The following THSD4 variants were observed in gnomAD, a reference collection of about 807,000 sequenced individuals.
THSD4 encodes the protein thrombospondin type 1 domain containing 4.
Under a neutral mutation model 119.0 loss-of-function variants are expected in THSD4, and 69 were observed. The ratio of observed to expected loss-of-function variants is 0.58; its 90% CI spans 0.48 to 0.71. The LOEUF is 0.71. Ranked by LOEUF, THSD4 falls within the 30% of genes least tolerant of loss-of-function variation. The pLI is 0.00. For missense variants in THSD4, 1,393 were observed against 1,391.1 expected (o/e 1.00, Z -0.02); for synonymous variants, 524 against 540.4 (o/e 0.97, Z 0.42).
At chr15:71,367,741 CAT>C (rs2045984595) in intron 6 of THSD4, among the ~76,000 whole-genome samples, 1 of 152,192 alleles carries the variant, frequency 6.6e-6, no homozygotes, top group South Asian at 2.1e-4. Context: ...CTGCAATAAA[CAT>C]ATGTGGGCAT....
At chr15:71,446,314 A>G (rs1350026614) in intron 7 of THSD4, among the ~76,000 whole-genome samples, 1 of 152,198 alleles carries the variant, frequency 6.6e-6, no homozygotes, top group East Asian at 1.9e-4. Flanking sequence ...TTTATTTAGC[A>G]TTGCCCTTTC....
chr15:71,119,906 A>G (rs1277009399), intron 1 of THSD4, among the ~76,000 whole-genome samples: 1 of 152,174 alleles, frequency 6.6e-6, no homozygotes, highest in Non-Finnish European at 1.5e-5. Context: ...GAGGATGGCC[A>G]AAGTCTGGAG....
chr15:71,387,233 T>A (rs565031388), intron 6 of THSD4, among the ~76,000 whole-genome samples: 1 of 151,952 alleles, frequency 6.6e-6, no homozygotes, highest in Non-Finnish European at 1.5e-5. Flanking sequence ...TGAGAGACTA[T>A]AGAAAGGGAT....
At chr15:71,151,592 A>G (rs568840005) in intron 2 of THSD4, among the ~76,000 whole-genome samples, 2 of 152,178 alleles carry the variant, frequency 1.3e-5, no homozygotes, top group East Asian at 1.9e-4. Context: ...AGGTCATGCA[A>G]CCATGGAGCA....
chr15:71,172,431 A>T (rs1400570826), intron 3 of THSD4, among the ~76,000 whole-genome samples: 5 of 151,938 alleles, frequency 3.3e-5, no homozygotes, highest in African/African-American at 1.2e-4. Context: ...TGACCTATAG[A>T]TTTAACACAA....
In THSD4 at chr15:71,154,900, G is replaced by A. The variant is rs374434657; in HGVS notation, c.67G>A (p.Val23Ile). The A allele has an allele frequency of 6.2e-6, 10 of 1,613,954 alleles. No homozygotes were observed. In the East Asian group the frequency reaches 1.1e-4, roughly 18 times the overall value. ...CFLLLLGFQFVCPQPSTQHRK... is the reference protein window; with the variant it reads ...CFLLLLGFQFICPQPSTQHRK... ...CCTTCTGCTGCTTGGATTCCAGTTC[G>A]TCTGCCCACAGCCCTCCACTCAACA... The change falls in exon 3 of 18, where the codon GTC (valine) becomes ATC (isoleucine). Residue 23 changes from valine to isoleucine, a missense_variant. By Grantham distance (29) the Val-to-Ile change is conservative. Coordinates refer to ENST00000261862, the MANE Select transcript of THSD4 (RefSeq NM_024817.3).
chr15:71,102,879 TC>T (rs2040258849), intron 1 of THSD4, among the ~76,000 whole-genome samples: 1 of 152,186 alleles, frequency 6.6e-6, no homozygotes, highest in African/African-American at 2.4e-5. Flanking sequence ...TTTTATATCT[TC>T]TTTTTTCCCC....
intron 6 of THSD4, among the ~76,000 whole-genome samples, chr15:71,270,819 G>GGGGTCAGTGAGTA (rs2044519535): frequency 6.6e-6 from 1 of 150,764 alleles, no homozygotes; most frequent in Non-Finnish European, 1.5e-5. Context: ...GAGTGGTCAG[G>GGGGTCAGTGAGTA]TAGCCATCTC....
intron 1 of THSD4, among the ~76,000 whole-genome samples, chr15:71,107,135 A>T (rs2040277219): frequency 6.6e-6 from 1 of 152,204 alleles, no homozygotes; most frequent in Non-Finnish European, 1.5e-5. Flanking sequence ...GTTTAACTCT[A>T]AAACCAATGT....
In THSD4 at chr15:71,463,117, A is replaced by G. The variant is rs193109481; in HGVS notation, c.1152+51294A>G. 1.3e-3 allele frequency among the ~76,000 whole-genome samples: 204 copies of G among 152,322 alleles called. 6 individuals carry two copies. In the East Asian group the frequency reaches 0.03, roughly 22 times the overall value. ...CATGTCGTTGGTTTTTTGAACCTAAATGAAAGACTTCACATTCACCTCCAT... is the reference window on the plus strand; with the variant it reads ...CATGTCGTTGGTTTTTTGAACCTAAGTGAAAGACTTCACATTCACCTCCAT... On this transcript the variant is annotated intron_variant, in intron 7 of 17. Transcript: ENST00000261862.
At chr15:71,491,115 C>T (rs1222992079) in intron 7 of THSD4, among the ~76,000 whole-genome samples, 1 of 152,212 alleles carries the variant, frequency 6.6e-6, no homozygotes, top group Non-Finnish European at 1.5e-5. Flanking sequence ...CTTTATGGCA[C>T]TTGTCAAGTT....
At chr15:71,348,219 C>A (rs2045693655) in intron 6 of THSD4, 1 of 152,180 alleles carries the variant, frequency 6.6e-6, no homozygotes, top group African/African-American at 2.4e-5. Context: ...TTTTGTAGAG[C>A]CTCCTCCTCC....
At chr15:71,640,465 G>A (rs916297774) in intron 7 of THSD4, among the ~76,000 whole-genome samples, 1 of 152,052 alleles carries the variant, frequency 6.6e-6, no homozygotes, top group African/African-American at 2.4e-5. Flanking sequence ...GAGAGCCAGG[G>A]GGTTGCCAGG....
chr15:71,404,898 T>C (rs1566971270), intron 6 of THSD4, among the ~76,000 whole-genome samples: 1 of 77,154 alleles, frequency 1.3e-5, no homozygotes, highest in African/African-American at 3.2e-5. Flanking sequence ...TTTTCTTTGC[T>C]TTTCTTTTTT....
chr15:71,457,298 T>C (rs1309638270), intron 7 of THSD4, among the ~76,000 whole-genome samples: 3 of 149,522 alleles, frequency 2.0e-5, no homozygotes, highest in African/African-American at 7.4e-5. Flanking sequence ...GAAAATTGCT[T>C]GAGCCCAGGA....
At position 71,771,121 on chromosome 15, in the gene THSD4, G is replaced by A; in HGVS notation, c.2827G>A (p.Asp943Asn). 1 of 1,614,190 alleles carries A rather than the reference G, an allele frequency of 6.2e-7. No homozygotes were observed. The highest frequency in any genetic ancestry group is 8.5e-7 in the Non-Finnish European group (1 of 1,180,032). The change falls in exon 17 of 18, where the codon GAC becomes AAC. Residue 943 changes from aspartate to asparagine, a missense_variant. Asp to Asn is a conservative substitution (Grantham distance 23). Transcript: ENST00000261862. Reference sequence around the variant, plus strand: ...CCGGGAAGTGCGGTGTCTGTCTGATGACATGACTCTAAGTAACCTCTGTGA... The same window carrying A: ...CCGGGAAGTGCGGTGTCTGTCTGATAACATGACTCTAAGTAACCTCTGTGA... ...RVREVRCLSDDMTLSNLCDPQ... is the reference protein window; with the variant it reads ...RVREVRCLSDNMTLSNLCDPQ...
chr15:71,755,984 A>T (rs978181279), intron 14 of THSD4, among the ~76,000 whole-genome samples: 2 of 152,214 alleles, frequency 1.3e-5, no homozygotes, highest in Non-Finnish European at 2.9e-5. Flanking sequence ...AATAATAGCC[A>T]CTCTGAGTCT....
chr15:71,459,885 T>A (rs2047403231), intron 7 of THSD4, among the ~76,000 whole-genome samples: 1 of 152,168 alleles, frequency 6.6e-6, no homozygotes, highest in South Asian at 2.1e-4. Context: ...TTTTGGATTG[T>A]GTTCTCTCTT....
At chr15:71,139,333 A>G (rs1349202998) in intron 1 of THSD4, among the ~76,000 whole-genome samples, 1 of 152,188 alleles carries the variant, frequency 6.6e-6, no homozygotes, top group African/African-American at 2.4e-5. Context: ...TATTGAGTAA[A>G]TAATTACTGA....
Sources: gnomAD v4.1 joint callset for allele counts (sites outside exome capture counted in the v4.1 genomes callset) on GRCh38, gnomAD v4.1.1 for gene constraint, MANE v1.5 for transcripts, NCBI Gene and HGNC (gene_info 2026-07-23, HGNC 2026-07-21) for gene names.